Variants in TACC2 observed in about 807,000 individuals in gnomAD.
TACC2 encodes transforming acidic coiled-coil-containing protein 2.
TACC2 carries 137 observed loss-of-function variants against 227.3 expected under a neutral mutation model. That is an observed-to-expected ratio of 0.60 (90% confidence interval 0.52 to 0.69). The LOEUF is 0.69. TACC2 is among the 30% of genes least tolerant of loss of function. The pLI is 0.00. For missense variants in TACC2, 3,470 were observed against 3,694.4 expected (o/e 0.94, Z 1.57); for synonymous variants, 1,523 against 1,487.5 (o/e 1.02, Z -0.55).
At chr10:122,017,818 C>CAAAAAAA (rs5788525) in intron 1 of TACC2, among the ~76,000 whole-genome samples, 4 of 74,926 alleles carry the variant, frequency 5.3e-5, no homozygotes, top group Non-Finnish European at 7.5e-5. Context: ...GAAACTGTCT[C>CAAAAAAA]AAAAAAAAAA....
At chr10:122,027,491 A>G (rs1047825052) in intron 2 of TACC2, among the ~76,000 whole-genome samples, 1 of 151,876 alleles carries the variant, frequency 6.6e-6, no homozygotes, top group African/African-American at 2.4e-5. Context: ...TTGTTAGAGT[A>G]TTCTTCCTCC....
intron 6 of TACC2, among the ~76,000 whole-genome samples, chr10:122,138,239 G>C (rs2090010573): frequency 6.6e-6 from 1 of 152,156 alleles, no homozygotes; most frequent in Admixed American, 6.5e-5. Flanking sequence ...GTTGGGTGCG[G>C]TGGCTTATGC....
rs2095222752 is a variant in TACC2, at chr10:122,209,075, A to G, written c.5972-1322A>G. On this transcript the variant is annotated intron_variant, in intron 8 of 22. Coordinates refer to ENST00000369005, the MANE Select transcript of TACC2 (RefSeq NM_206862.4). This position sits in a 1 kb window ranked among gnomAD's most constrained non-coding sequence, Gnocchi z 4.5. ...TTTGGCCAACATTTGCAGCATCTGCAGCATGTTTGGGAAATAGGAGCAACC... is the reference window on the plus strand; with the variant it reads ...TTTGGCCAACATTTGCAGCATCTGCGGCATGTTTGGGAAATAGGAGCAACC... Among the ~76,000 whole-genome samples, 1 of 152,220 alleles carries G rather than the reference A, an allele frequency of 6.6e-6. No individual in the cohort carries two copies.
chr10:122,163,835 C>G, intron 7 of TACC2: 1 of 1,476,396 alleles, frequency 6.8e-7, no homozygotes, highest in Admixed American at 2.4e-5. Flanking sequence ...CCCCGGCCGC[C>G]GGCCGGCTCG....
intron 7 of TACC2, among the ~76,000 whole-genome samples, chr10:122,156,312 T>C (rs1247322725): frequency 6.7e-6 from 1 of 149,384 alleles, no homozygotes; most frequent in Non-Finnish European, 1.5e-5. Flanking sequence ...CAAGCTCCGC[T>C]TCCCGGGTTC....
chr10:122,183,225 C>CA (rs146362059), intron 7 of TACC2, among the ~76,000 whole-genome samples: 11 of 150,528 alleles, frequency 7.3e-5, no homozygotes, highest in Non-Finnish European at 1.3e-4. Context: ...AAAAAACAAA[C>CA]AAAAAAAACA....
intron 3 of TACC2, among the ~76,000 whole-genome samples, chr10:122,075,496 C>T (rs1012885673): frequency 6.6e-6 from 1 of 152,194 alleles, no homozygotes; most frequent in East Asian, 1.9e-4. Context: ...TATCACCACT[C>T]GGAGAAATCT....
chr10:122,229,231 T>C, intron 14 of TACC2, 115 bp from the exon 15 acceptor site: 1 of 1,251,544 alleles, frequency 8.0e-7, no homozygotes, highest in South Asian at 1.3e-5. Flanking sequence ...GATACTCTCT[T>C]TAGCCTCAAG....
chr10:122,226,093 A>C (rs2095622587), intron 12 of TACC2, among the ~76,000 whole-genome samples: 1 of 152,188 alleles, frequency 6.6e-6, no homozygotes, highest in Non-Finnish European at 1.5e-5. Flanking sequence ...AATTGAACAA[A>C]GTCCAGCTCA....
At chr10:122,082,444 T>C (rs1291778894) in intron 3 of TACC2, among the ~76,000 whole-genome samples, 1 of 152,064 alleles carries the variant, frequency 6.6e-6, no homozygotes, top group Non-Finnish European at 1.5e-5. Flanking sequence ...GCAGTGGTTT[T>C]TGGGGGAAAC....
Position 122,141,447 on chromosome 10 carries a change from CAGAA to C in TACC2, c.5700-2124_5700-2121del. Among the ~76,000 whole-genome samples the C allele has an allele frequency of 6.6e-6, 1 of 152,230 alleles. No homozygotes were observed. The highest frequency in any genetic ancestry group is 1.9e-4 in the East Asian group (1 of 5,176). On this transcript the variant is annotated intron_variant, in intron 6 of 22. Coordinates refer to ENST00000369005, the MANE Select transcript of TACC2 (RefSeq NM_206862.4). The surrounding 1 kb of genome is among the most constrained non-coding windows in gnomAD (Gnocchi z 4.3). ...GTGTGGCCATGGCAGTTGGGACCAA[CAGAA>C]GGAAGGGAGGAGGGAGCAGCCAGGT...
At chr10:122,079,947 T>C (rs2079257411) in intron 3 of TACC2, among the ~76,000 whole-genome samples, 1 of 152,234 alleles carries the variant, frequency 6.6e-6, no homozygotes, top group African/African-American at 2.4e-5. Context: ...ACCTCAAAAA[T>C]GTTGAAAGGA....
intron 22 of TACC2, among the ~76,000 whole-genome samples, chr10:122,252,560 G>A (rs964722050): frequency 6.6e-6 from 1 of 151,004 alleles, no homozygotes; most frequent in Non-Finnish European, 1.5e-5. Context: ...GCGCAATCTC[G>A]GCTCATTGCA....
intron 1 of TACC2, among the ~76,000 whole-genome samples, chr10:122,016,702 T>C (rs1956690545): frequency 6.6e-6 from 1 of 152,054 alleles, no homozygotes; most frequent in Non-Finnish European, 1.5e-5. Flanking sequence ...CCCAAAGACA[T>C]CTCTAAATGC....
At chr10:122,213,367 T>G in intron 9 of TACC2, 1 of 1,612,302 alleles carries the variant, frequency 6.2e-7, no homozygotes, top group Admixed American at 1.7e-5. Flanking sequence ...GATGTCTGTG[T>G]GTTCTCTGTT....
chr10:122,037,290 G>T (rs1280725433), intron 2 of TACC2, among the ~76,000 whole-genome samples: 2 of 152,222 alleles, frequency 1.3e-5, no homozygotes. Flanking sequence ...AGTTTTGTAG[G>T]TCCCAACCAG....
At chr10:122,163,653 C>T in intron 7 of TACC2, 1 of 957,038 alleles carries the variant, frequency 1.0e-6, no homozygotes, top group South Asian at 4.8e-5. Flanking sequence ...CCCGCACGCC[C>T]CGGGCAGAGC....
In TACC2 at chr10:122,220,208, G is replaced by T. The variant is rs144005587; in HGVS notation, c.7546+3380G>T. Among the ~76,000 whole-genome samples, 36 of 152,052 alleles carry T rather than the reference G, an allele frequency of 2.4e-4. 2 individuals are homozygous for T. The highest frequency in any genetic ancestry group is 1.9e-3 in the Admixed American group (29 of 15,280). On this transcript the variant is annotated intron_variant, in intron 11 of 22. Transcript: ENST00000369005. ...AGGGCTAATATATACCTCATTCAAT[G>T]GTGGCATTTATTTGTCCATCTTCTA...
At chr10:122,249,776 G>C in intron 22 of TACC2, 112 bp downstream of exon 22, 1 of 1,319,258 alleles carries the variant, frequency 7.6e-7, no homozygotes, top group Non-Finnish European at 1.0e-6. Context: ...TCCTGAAGAC[G>C]AATTCATGCT....
Sources: gnomAD v4.1 joint callset for allele counts (sites outside exome capture counted in the v4.1 genomes callset) on GRCh38, gnomAD v4.1.1 for gene constraint, Gnocchi (gnomAD v3.1) non-coding constraint, MANE v1.5 for transcripts, NCBI Gene and HGNC (gene_info 2026-07-23, HGNC 2026-07-21) for gene names.